Variants in NXN observed in about 807,000 individuals in gnomAD.
NXN encodes the protein nucleoredoxin 1.
In NXN, 16 loss-of-function variants were observed where a neutral mutation model predicts 48.6. The observed-to-expected ratio is 0.33, with a 90% CI of 0.22 to 0.50. NXN has a LOEUF of 0.50. Among genes scored for constraint, NXN ranks in the 20% least tolerant of loss-of-function variants. The pLI is 0.98. For synonymous variants in NXN, 281 were observed against 269.6 expected, an observed-to-expected ratio of 1.04 and a Z score of -0.41; for missense variants, 492 against 605.5, an observed-to-expected ratio of 0.81 and a Z score of 1.97.
chr17:922,158 T>C (rs546080676), intron 1 of NXN, among the ~76,000 whole-genome samples: 3 of 152,282 alleles, frequency 2.0e-5, no homozygotes, highest in African/African-American at 2.4e-5. Flanking sequence ...GCTGTAAGAA[T>C]TGGCCAGGCA....
chr17:810,293 C>T (rs79745216), intron 5 of NXN, among the ~76,000 whole-genome samples: 652 of 83,832 alleles, frequency 7.8e-3, no homozygotes, highest in East Asian at 0.018. Context: ...GTGGCGTGCA[C>T]GTTACGAGTC....
At chr17:969,064 G>A (rs1306095151) in intron 1 of NXN, among the ~76,000 whole-genome samples, 2 of 152,050 alleles carry the variant, frequency 1.3e-5, no homozygotes, top group African/African-American at 4.8e-5. Flanking sequence ...AATGGGGGAG[G>A]GGTACAAAGA....
At chr17:839,430 T>C (rs1334706353) in intron 1 of NXN, among the ~76,000 whole-genome samples, 2 of 151,362 alleles carry the variant, frequency 1.3e-5, no homozygotes, top group African/African-American at 4.9e-5. Context: ...AGTGAAACTC[T>C]GTCTCAAAAA....
chr17:874,249 C>G (rs2068190586), intron 1 of NXN, among the ~76,000 whole-genome samples: 1 of 152,176 alleles, frequency 6.6e-6, no homozygotes, highest in South Asian at 2.1e-4. Flanking sequence ...CGAGGCCTCC[C>G]CAGCCCTGTG....
chr17:815,865 C>T (rs1022675052), intron 5 of NXN, among the ~76,000 whole-genome samples: 11 of 152,212 alleles, frequency 7.2e-5, no homozygotes, highest in Non-Finnish European at 1.5e-4. Flanking sequence ...CCTGTGCACA[C>T]ACGTGCACAC....
intron 1 of NXN, among the ~76,000 whole-genome samples, chr17:832,127 A>G (rs1026852345): frequency 1.3e-5 from 2 of 151,810 alleles, no homozygotes; most frequent in African/African-American, 4.8e-5. Context: ...TTTGCATTTA[A>G]GCACCCCTAT....
chr17:815,784 G>A (rs976157473), intron 5 of NXN, among the ~76,000 whole-genome samples: 19 of 152,164 alleles, frequency 1.2e-4, no homozygotes, highest in African/African-American at 4.3e-4. Flanking sequence ...AACGTTTAAC[G>A]TGCCTCCGGA....
chr17:812,076 C>T (rs575710313), intron 5 of NXN, among the ~76,000 whole-genome samples: 3 of 151,418 alleles, frequency 2.0e-5, no homozygotes, highest in South Asian at 4.2e-4. Flanking sequence ...TACAGGCGCC[C>T]GTCACCACGC....
intron 1 of NXN, among the ~76,000 whole-genome samples, chr17:929,017 C>T (rs1206500002): frequency 6.6e-6 from 1 of 152,190 alleles, no homozygotes; most frequent in Non-Finnish European, 1.5e-5. Context: ...AAGCCGAGGC[C>T]TTAAATTAGT....
intron 1 of NXN, among the ~76,000 whole-genome samples, chr17:843,151 G>A (rs1914475375): frequency 6.6e-6 from 1 of 152,032 alleles, no homozygotes; most frequent in African/African-American, 2.4e-5. Flanking sequence ...CGAATGAAGA[G>A]ACAAACACAC....
intron 1 of NXN, chr17:959,409 C>T (rs774317292): frequency 3.4e-5 from 7 of 205,704 alleles, no homozygotes; most frequent in Non-Finnish European, 4.9e-5. Context: ...GGCAGGGCGC[C>T]ACTGGCCTGA....
intron 1 of NXN, among the ~76,000 whole-genome samples, chr17:835,061 C>A (rs544121454): frequency 6.6e-6 from 1 of 151,754 alleles, no homozygotes; most frequent in East Asian, 2.0e-4. Flanking sequence ...GTAATCCCAG[C>A]ACTTTGGGAG....
At chr17:805,020 T>TCCCCCCCCCCCCCCCCCC in intron 6 of NXN, 48 bp downstream of exon 6, 41 of 1,512,812 alleles carry the variant, frequency 2.7e-5, no homozygotes, top group Non-Finnish European at 2.9e-5. Context: ...GCCCCTCCTG[T>TCCCCCCCCCCCCCCCCCC]CCCGCCCCCC....
intron 1 of NXN, among the ~76,000 whole-genome samples, chr17:854,083 C>G (rs1245176485): frequency 1.3e-5 from 2 of 152,106 alleles, no homozygotes; most frequent in Non-Finnish European, 2.9e-5. Context: ...GACTACAAAG[C>G]TCCACGAGGC....
Position 979,452 on chromosome 17 carries a change from GC to G in NXN, c.226del (p.Ala76ArgfsTer60), listed in dbSNP as rs1220083116. 2.4e-6 allele frequency: 3 copies of G among 1,225,818 alleles called. No homozygotes were observed. Among genetic ancestry groups the G allele is most frequent in the South Asian group, 5.1e-5 (2 of 38,962 alleles). 75.9% of individuals were successfully genotyped at this position (1,225,818 alleles called of 1,614,324 possible). A position where few individuals can be genotyped will look rare whatever the true frequency, so the allele number is the denominator to read the frequency against. The stretch of plus-strand genomic sequence containing the variant: ...CCGCCGCGGCTCGGGCTCCGCCGCC[GC>G]CCCGGCCCCCGCTCCCGGCCCCGGC... ...AGPGPGAGAGAAAEPEPRRRL... is the reference protein window; with the variant it reads ...AGPGPGAGAGXAAEPEPRRRL... On this transcript the variant is annotated frameshift_variant, in exon 1 of 8. Transcript: ENST00000336868. LOFTEE classifies it high-confidence loss of function.
chr17:963,965 A>C (rs2069271074), intron 1 of NXN, among the ~76,000 whole-genome samples: 2 of 151,912 alleles, frequency 1.3e-5, no homozygotes, highest in Admixed American at 1.3e-4. Context: ...TAATCCCAGC[A>C]CTTTGGGAGG....
chr17:912,751 G>A (rs757807278), intron 1 of NXN, among the ~76,000 whole-genome samples: 13 of 152,048 alleles, frequency 8.5e-5, no homozygotes, highest in Non-Finnish European at 1.8e-4. Flanking sequence ...TCAGGAGTTC[G>A]AGACCAGCCT....
At chr17:891,111 C>G (rs533277973) in intron 1 of NXN, among the ~76,000 whole-genome samples, 1 of 152,270 alleles carries the variant, frequency 6.6e-6, no homozygotes, top group African/African-American at 2.4e-5. Flanking sequence ...GTCCATCTCA[C>G]TCTGTTGCCC....
chr17:928,591 T>C (rs947352690), intron 1 of NXN, among the ~76,000 whole-genome samples: 1 of 152,182 alleles, frequency 6.6e-6, no homozygotes, highest in African/African-American at 2.4e-5. Flanking sequence ...ATCCCAATAC[T>C]TTGGGAAGCG....
Sources: allele counts gnomAD v4.1 joint callset (sites outside exome capture counted in the v4.1 genomes callset), GRCh38; gene constraint gnomAD v4.1.1; transcripts MANE v1.5; gene names NCBI Gene and HGNC (gene_info 2026-07-23, HGNC 2026-07-21).